ARID1B: variants seen among roughly 807,000 people sequenced by gnomAD.
ARID1B encodes AT-rich interaction domain 1B, also known as AT-rich interactive domain-containing protein 1B.
In ARID1B, 30 loss-of-function variants were observed where a neutral mutation model predicts 212.3. The observed-to-expected ratio is 0.14, with a 90% CI of 0.11 to 0.19. ARID1B has a LOEUF of 0.19. ARID1B is among the 10% of genes least tolerant of loss of function. The pLI, the probability that ARID1B is intolerant of heterozygous loss-of-function variation, is 1.00. For synonymous variants in ARID1B, 1,402 were observed against 1,301.7 expected, an observed-to-expected ratio of 1.08 and a Z score of -1.66; for missense variants, 2,891 against 3,204.0, an observed-to-expected ratio of 0.90 and a Z score of 2.36.
intron 4 of ARID1B, among the ~76,000 whole-genome samples, chr6:157,064,272 G>C (rs1352712282): frequency 6.6e-6 from 1 of 152,186 alleles, no homozygotes; most frequent in Non-Finnish European, 1.5e-5. Flanking sequence ...CTATTTAGGA[G>C]TTGGCCTTGC....
chr6:157,117,995 C>A (rs1787441165), intron 6 of ARID1B, among the ~76,000 whole-genome samples: 1 of 152,118 alleles, frequency 6.6e-6, no homozygotes, highest in South Asian at 2.1e-4. Flanking sequence ...CCAACCCCAG[C>A]CGTGCTCTTT....
In ARID1B at chr6:157,148,848, C is replaced by G. The variant is rs1057517704; in HGVS notation, c.2986C>G (p.Gln996Glu). ...MTPSSPGMSQ[Q>E]GGPGMGPPMP... ...CCCCAGTTCTCCTGGCATGTCTCAG[C>G]AGGGAGGGCCAGGAATGGGGCCGCC... is the stretch of plus-strand genomic sequence containing the variant. The change falls in exon 8 of 20, where the codon CAG (glutamine) becomes GAG (glutamate). Residue 996 changes from glutamine to glutamate, a missense_variant. Coordinates refer to ENST00000636930, the MANE Select transcript of ARID1B (RefSeq NM_001374828.1). The surrounding 1 kb of genome is among the most constrained non-coding windows in gnomAD (Gnocchi z 5.6). The G allele has an allele frequency of 1.9e-6, 3 of 1,612,936 alleles. No homozygotes were observed. The highest frequency in any genetic ancestry group is 2.5e-6 in the Non-Finnish European group (3 of 1,179,966).
At chr6:157,016,729 C>G (rs1451994429) in intron 4 of ARID1B, among the ~76,000 whole-genome samples, 1 of 152,198 alleles carries the variant, frequency 6.6e-6, no homozygotes, top group Non-Finnish European at 1.5e-5. Context: ...GCGACCCAAA[C>G]TGGAATACTT....
chr6:156,880,415 T>C (rs1380374212), intron 2 of ARID1B, among the ~76,000 whole-genome samples: 1 of 152,096 alleles, frequency 6.6e-6, no homozygotes, highest in East Asian at 1.9e-4. Flanking sequence ...AACAGTTATT[T>C]AGATTTATTG....
At chr6:157,180,469 G>A (rs779052791) in intron 11 of ARID1B, among the ~76,000 whole-genome samples, 1 of 151,876 alleles carries the variant, frequency 6.6e-6, no homozygotes, top group Non-Finnish European at 1.5e-5. Context: ...AGCAAGCACC[G>A]TGTGGTTGCT....
At chr6:156,933,201 A>G (rs1791892382) in intron 3 of ARID1B, among the ~76,000 whole-genome samples, 1 of 152,022 alleles carries the variant, frequency 6.6e-6, no homozygotes, top group African/African-American at 2.4e-5. Flanking sequence ...TATGCATAGG[A>G]CTTTTGAGCC....
intron 6 of ARID1B, among the ~76,000 whole-genome samples, chr6:157,114,037 C>T (rs774762911): frequency 2.0e-5 from 3 of 152,112 alleles, no homozygotes; most frequent in Non-Finnish European, 2.9e-5. Flanking sequence ...TGGTATGTAC[C>T]AGCAGCATAC....
At chr6:157,135,860 T>C (rs1258756632) in intron 7 of ARID1B, among the ~76,000 whole-genome samples, 1 of 152,342 alleles carries the variant, frequency 6.6e-6, no homozygotes, top group East Asian at 1.9e-4. Flanking sequence ...GCATTAGAAG[T>C]GTTCATATCT....
At chr6:157,115,584 G>T (rs1042042677) in intron 6 of ARID1B, among the ~76,000 whole-genome samples, 7 of 152,126 alleles carry the variant, frequency 4.6e-5, no homozygotes, top group African/African-American at 1.7e-4. Context: ...CCGCCACCAC[G>T]CCCGGCTAAT....
At chr6:156,832,118 C>T (rs1256301848) in intron 2 of ARID1B, among the ~76,000 whole-genome samples, 8 of 152,106 alleles carry the variant, frequency 5.3e-5, no homozygotes, top group Non-Finnish European at 1.0e-4. Context: ...GTCATGTGAA[C>T]AGTTCTTAAT....
At chr6:156,915,748 T>A (rs1017156504) in intron 3 of ARID1B, among the ~76,000 whole-genome samples, 1 of 151,914 alleles carries the variant, frequency 6.6e-6, no homozygotes, top group Non-Finnish European at 1.5e-5. Context: ...ATACAAAAAT[T>A]AGCTAGATGT....
At chr6:156,935,430 AT>A (rs763161748) in intron 3 of ARID1B, 35 bp from the exon 4 acceptor site, 4 of 1,525,828 alleles carry the variant, frequency 2.6e-6, no homozygotes, top group Non-Finnish European at 3.6e-6. Flanking sequence ...TCATTGAGAT[AT>A]TTATGAAGTG....
At chr6:157,142,160 T>C (rs1789406827) in intron 7 of ARID1B, among the ~76,000 whole-genome samples, 3 of 152,148 alleles carry the variant, frequency 2.0e-5, no homozygotes, top group African/African-American at 7.2e-5. Flanking sequence ...AGAAATAAAA[T>C]GACATGAACG....
intron 2 of ARID1B, among the ~76,000 whole-genome samples, chr6:156,891,874 G>GT (rs555568271): frequency 0.093 from 12,366 of 132,510 alleles, 1,655 homozygotes; most frequent in African/African-American, 0.3. Flanking sequence ...TTTCTTTTCT[G>GT]TTTTTTTTTT....
intron 4 of ARID1B, chr6:156,985,474 T>C (rs949332169): frequency 6.6e-6 from 1 of 152,252 alleles, no homozygotes; most frequent in Admixed American, 6.5e-5. Context: ...TCTGCTCATA[T>C]TTAATTGACA....
chr6:157,077,752 T>C (rs1291032730), intron 4 of ARID1B, among the ~76,000 whole-genome samples: 1 of 152,200 alleles, frequency 6.6e-6, no homozygotes, highest in Non-Finnish European at 1.5e-5. Flanking sequence ...GACTCAATGA[T>C]AGAAGGACAT....
At chr6:156,995,843 A>G (rs891291854) in intron 4 of ARID1B, among the ~76,000 whole-genome samples, 2 of 152,230 alleles carry the variant, frequency 1.3e-5, no homozygotes, top group Admixed American at 1.3e-4. Flanking sequence ...AACAAGGAAT[A>G]ATTTCCTAGC....
At chr6:156,792,376 G>A (rs545508926) in intron 1 of ARID1B, among the ~76,000 whole-genome samples, 2 of 152,308 alleles carry the variant, frequency 1.3e-5, no homozygotes, top group African/African-American at 4.8e-5. Context: ...AGCTGAGGTA[G>A]GAGAAGTGCT....
intron 1 of ARID1B, among the ~76,000 whole-genome samples, chr6:156,826,458 C>A (rs970840430): frequency 6.6e-6 from 1 of 152,212 alleles, no homozygotes; most frequent in East Asian, 1.9e-4. Flanking sequence ...GTTCATCCTT[C>A]TGCTTCCAGT....
Sources: allele counts gnomAD v4.1 joint callset (sites outside exome capture counted in the v4.1 genomes callset), GRCh38; gene constraint gnomAD v4.1.1; non-coding constraint Gnocchi (gnomAD v3.1); transcripts MANE v1.5; gene names NCBI Gene and HGNC (gene_info 2026-07-23, HGNC 2026-07-21).